MYO7A: variants seen among roughly 807,000 people sequenced by gnomAD.
The protein encoded by MYO7A is unconventional myosin-VIIa.
A neutral mutation model predicts 263.8 loss-of-function variants in MYO7A; 210 were observed. The observed-to-expected ratio is 0.80, with a 90% CI of 0.71 to 0.89. The LOEUF is 0.89. Ranked by LOEUF, MYO7A falls within the 40% of genes least tolerant of loss-of-function variation. The probability of loss-of-function intolerance (pLI) is 0.00; values close to 1 mark genes in which losing one functional copy is unlikely to be tolerated. For missense variants in MYO7A, 2,820 were observed against 2,968.3 expected (o/e 0.95, Z 1.16); for synonymous variants, 1,239 against 1,197.3 (o/e 1.03, Z -0.72).
chr11:77,169,210 A>G (rs531889620), intron 15 of MYO7A, among the ~76,000 whole-genome samples: 1 of 152,332 alleles, frequency 6.6e-6, no homozygotes, highest in African/African-American at 2.4e-5. Context: ...CTGCACTCCC[A>G]TCATCGGCAG....
Position 77,214,833 on chromosome 11 carries a change from T to G in MYO7A, c.*137T>G. Reference sequence around the variant, plus strand: ...TGGGCTGGCCAGCCACCACTGACTATACCAACTGGGCCTCTGATGTTCTTC... The same window carrying G: ...TGGGCTGGCCAGCCACCACTGACTAGACCAACTGGGCCTCTGATGTTCTTC... On this transcript the variant is annotated 3_prime_UTR_variant, in exon 49 of 49. Coordinates refer to ENST00000409709, the MANE Select transcript of MYO7A (RefSeq NM_000260.4). 1 of 662,188 alleles carries G rather than the reference T, an allele frequency of 1.5e-6. No individual in the cohort carries two copies. Among genetic ancestry groups the G allele is most frequent in the Non-Finnish European group, 2.6e-6 (1 of 387,456 alleles). 41.0% of individuals were successfully genotyped at this position (662,188 alleles called of 1,614,324 possible).
intron 48 of MYO7A, among the ~76,000 whole-genome samples, chr11:77,214,293 C>CTTG (rs1436051168): frequency 9.2e-5 from 14 of 152,180 alleles, no homozygotes; most frequent in African/African-American, 3.1e-4. Context: ...ATGAGACCTC[C>CTTG]TTGACCAAGC....
intron 2 of MYO7A, among the ~76,000 whole-genome samples, chr11:77,131,545 A>G (rs1276403305): frequency 6.6e-6 from 1 of 152,220 alleles, no homozygotes; most frequent in Non-Finnish European, 1.5e-5. Context: ...TCAAACGCCC[A>G]TTAGAGATGG....
In MYO7A at chr11:77,201,486, G is replaced by C. The variant is rs1957058323; in HGVS notation, c.4891G>C (p.Asp1631His). The change falls in exon 36 of 49, where the codon GAC becomes CAC. Residue 1631 changes from aspartate to histidine, a missense_variant. By Grantham distance (81) the Asp-to-His change is moderately conservative (BLOSUM62 -1). Transcript: ENST00000409709. ...ESGFLSFAKG[D>H]LIILDHDTGE... The stretch of plus-strand genomic sequence containing the variant: ...AGGCTTCCTCAGCTTTGCCAAGGGA[G>C]ACCTCATCATCCTGGACCATGACAC... 2 of 1,613,974 alleles carry C rather than the reference G, an allele frequency of 1.2e-6. No individual in the cohort carries two copies. The highest frequency in any genetic ancestry group is 1.7e-6 in the Non-Finnish European group (2 of 1,179,886).
At position 77,192,135 on chromosome 11, in the gene MYO7A, G is replaced by A. The variant is rs369375331; in HGVS notation, c.4009G>A (p.Glu1337Lys). 34 of 1,613,850 alleles carry A rather than the reference G, an allele frequency of 2.1e-5. No individual in the cohort carries two copies. The highest frequency in any genetic ancestry group is 1.3e-5 in the African/African-American group (1 of 74,954). Reference sequence around the variant, plus strand: ...GTACGCCAAGGAGCAGGGCGCCCAGGAGCGCAACGCCCCCTGGAGGCTCTT... The same window carrying A: ...GTACGCCAAGGAGCAGGGCGCCCAGAAGCGCAACGCCCCCTGGAGGCTCTT... Reference protein sequence around the residue: ...EQYAKEQGAQERNAPWRLFFR... With the variant: ...EQYAKEQGAQKRNAPWRLFFR... Residue 1337 changes from glutamate (E) to lysine (K), a missense_variant, in exon 31 of 49, where the codon GAG becomes AAG. By Grantham distance (56) the Glu-to-Lys change is moderately conservative. Coordinates refer to ENST00000409709, the MANE Select transcript of MYO7A (RefSeq NM_000260.4).
At position 77,179,056 on chromosome 11, in the gene MYO7A, T is replaced by C; in HGVS notation, c.2294T>C (p.Leu765Pro). The C allele has an allele frequency of 1.2e-6, 2 of 1,606,910 alleles. No individual in the cohort carries two copies. The highest frequency in any genetic ancestry group is 1.7e-6 in the Non-Finnish European group (2 of 1,177,292). ...IRGFKDRSNF[L>P]KLKNAATLIQ... ...TACTGCTGTTTCAGGTCTAACTTTC[T>C]GAAGCTGAAGAACGCTGCCACACTG... Residue 765 changes from leucine to proline, a missense_variant, in exon 20 of 49, where the codon CTG becomes CCG. Leu to Pro is a moderately conservative substitution (Grantham distance 98). Transcript: ENST00000409709.
chr11:77,169,944 T>C (rs1953924384), intron 15 of MYO7A, among the ~76,000 whole-genome samples: 1 of 152,010 alleles, frequency 6.6e-6, no homozygotes, highest in Non-Finnish European at 1.5e-5. Flanking sequence ...GGCACAGTGG[T>C]ACACACCTGT....
chr11:77,192,872 TGGTGATGGTGGA>T, intron 31 of MYO7A, among the ~76,000 whole-genome samples: 2 of 152,038 alleles, frequency 1.3e-5, no homozygotes, highest in East Asian at 1.9e-4. Context: ...ATGATGATGG[TGGTGATGGTGGA>T]GGAGGTAGTG....
intron 27 of MYO7A, among the ~76,000 whole-genome samples, chr11:77,186,071 C>T (rs1222098325): frequency 6.6e-6 from 1 of 151,872 alleles, no homozygotes; most frequent in Non-Finnish European, 1.5e-5. Flanking sequence ...TACAGGTGCC[C>T]ACCACCACAT....
intron 44 of MYO7A, 78 bp from the exon 45 acceptor site, chr11:77,211,074 G>C (rs1313391049): frequency 1.5e-6 from 2 of 1,331,510 alleles, no homozygotes; most frequent in Admixed American, 4.6e-5. Context: ...CCCCGGCGTT[G>C]GGGGTCTTGG....
In MYO7A at chr11:77,184,703, G is replaced by A. The variant is rs782350886; in HGVS notation, c.3491G>A (p.Arg1164Gln). 21 of 1,600,224 alleles carry A rather than the reference G, an allele frequency of 1.3e-5. No individual in the cohort carries two copies. The highest frequency in any genetic ancestry group is 4.5e-5 in the South Asian group (4 of 89,272). Reference protein sequence around the residue: ...LHFIIGNGILRPALRDEIYCQ... With the variant: ...LHFIIGNGILQPALRDEIYCQ... ...TTCATCATCGGCAATGGCATCCTGC[G>A]GCCAGCACTCCGGTCAGTGCCGGGA... is the stretch of plus-strand genomic sequence containing the variant. The change falls in exon 27 of 49, where the codon CGG becomes CAG. Residue 1164 changes from arginine to glutamine, a missense_variant. Arg to Gln is a conservative substitution (Grantham distance 43, BLOSUM62 1). Coordinates refer to ENST00000409709, the MANE Select transcript of MYO7A (RefSeq NM_000260.4).
intron 38 of MYO7A, 85 bp downstream of exon 38, chr11:77,203,302 G>A: frequency 7.0e-7 from 1 of 1,435,932 alleles, no homozygotes; most frequent in South Asian, 1.3e-5. Flanking sequence ...CTGAGGGCCT[G>A]CTGCGACCCG....
chr11:77,142,892 C>A, intron 3 of MYO7A, 70 bp downstream of exon 3: 1 of 1,289,816 alleles, frequency 7.8e-7, no homozygotes, highest in Non-Finnish European at 1.1e-6. Flanking sequence ...TGCCTTGATG[C>A]AGGGAGATGA....
intron 16 of MYO7A, among the ~76,000 whole-genome samples, chr11:77,173,473 A>T (rs782019331): frequency 6.6e-6 from 1 of 152,112 alleles, no homozygotes. Flanking sequence ...GCCTCCTTCA[A>T]CCTTCTCAAA....
chr11:77,148,062 C>T lies in MYO7A; in HGVS notation c.285+112C>T, dbSNP rs549524253. 1.3e-3 allele frequency: 1,288 copies of T among 1,020,568 alleles called. 3 individuals carry two copies. The highest frequency in any genetic ancestry group is 2.4e-3 in the Admixed American group (71 of 30,184). 63.2% of individuals were successfully genotyped at this position (1,020,568 alleles called of 1,614,324 possible). On this transcript the variant is annotated intron_variant, in intron 4 of 48. Transcript: ENST00000409709. ...GCCCCGCCCTGCCGGGGCCCTGCCT[C>T]CTGAGACTTTGTCCGCTGTGCAGCT... is the stretch of plus-strand genomic sequence containing the variant.
chr11:77,130,070 A>G (rs1252915698), intron 1 of MYO7A, among the ~76,000 whole-genome samples: 2 of 152,196 alleles, frequency 1.3e-5, no homozygotes, highest in Non-Finnish European at 2.9e-5. Context: ...AGTGCTCTGC[A>G]CAGAGCCATC....
chr11:77,161,130 T>C lies in MYO7A; in HGVS notation c.1343+15T>C, dbSNP rs782278063. ...GCTGTGAACAGGTACCGCGTGGGGC[T>C]CTGCTCATGGGAATTTCCTTCCCCA... On this transcript the variant is annotated intron_variant, in intron 12 of 48. Coordinates refer to ENST00000409709, the MANE Select transcript of MYO7A (RefSeq NM_000260.4). 3 of 1,613,128 alleles carry C rather than the reference T, an allele frequency of 1.9e-6. No homozygotes were observed. The highest frequency in any genetic ancestry group is 2.5e-6 in the Non-Finnish European group (3 of 1,179,156).
At chr11:77,179,233 C>T (rs1954945337) in intron 20 of MYO7A, 104 bp downstream of exon 20, 5 of 995,828 alleles carry the variant, frequency 5.0e-6, no homozygotes, top group Non-Finnish European at 7.4e-6. Context: ...AGCCTGGCCT[C>T]GTTGGCCTCC....
Position 77,214,753 on chromosome 11 carries a change from G to A in MYO7A, c.*57G>A. On this transcript the variant is annotated 3_prime_UTR_variant, in exon 49 of 49. Coordinates refer to ENST00000409709, the MANE Select transcript of MYO7A (RefSeq NM_000260.4). ...GCTCTCGAGGCAGCAGTGGGTTCAGGCCCATCAGCTACCCCTGCAGCTGGG... is the reference window on the plus strand; with the variant it reads ...GCTCTCGAGGCAGCAGTGGGTTCAGACCCATCAGCTACCCCTGCAGCTGGG... 1.5e-6 allele frequency: 2 copies of A among 1,372,046 alleles called. No homozygotes were observed. The highest frequency in any genetic ancestry group is 2.5e-5 in the South Asian group (2 of 78,772). 85.0% of individuals were successfully genotyped at this position (1,372,046 alleles called of 1,614,324 possible). A position where few individuals can be genotyped will look rare whatever the true frequency, so the allele number is the denominator to read the frequency against.
Sources: gnomAD v4.1 joint callset for allele counts (sites outside exome capture counted in the v4.1 genomes callset) on GRCh38, gnomAD v4.1.1 for gene constraint, MANE v1.5 for transcripts, NCBI Gene and HGNC (gene_info 2026-07-23, HGNC 2026-07-21) for gene names.